MED23: variants seen among roughly 807,000 people sequenced by gnomAD.
MED23 encodes mediator of RNA polymerase II transcription subunit 23.
Under a neutral mutation model 163.9 loss-of-function variants are expected in MED23, and 105 were observed. The ratio of observed to expected loss-of-function variants is 0.64; its 90% CI spans 0.55 to 0.75. The LOEUF (loss-of-function observed/expected upper bound fraction) is 0.75. Among genes scored for constraint, MED23 ranks in the 30% least tolerant of loss-of-function variants. The probability of loss-of-function intolerance (pLI) is 0.00; values close to 1 mark genes in which losing one functional copy is unlikely to be tolerated. For missense variants in MED23, 1,054 were observed against 1,649.0 expected (o/e 0.64, Z 6.25); for synonymous variants, 561 against 565.6 (o/e 0.99, Z 0.12).
chr6:131,615,749 A>G lies in MED23; in HGVS notation c.876+158T>C, dbSNP rs538270642. 117 of 673,720 alleles carry G rather than the reference A, an allele frequency of 1.7e-4. 3 individuals carry two copies. The South Asian group carries it at 1.9e-3, about 11-fold the overall frequency. The allele number at this position is 673,720 out of a possible 1,614,324, so 41.7% of individuals were successfully genotyped here. On this transcript the variant is annotated intron_variant, in intron 10 of 28. Transcript: ENST00000368068. ...TAAACATTCTTAAAGCAATATATAA[A>G]TGATAGGAATAATACATTGTTTAAA...
downstream of MED23, chr6:131,582,585 A>G (rs760349584): frequency 6.5e-7 from 1 of 1,529,236 alleles, no homozygotes; most frequent in Admixed American, 1.7e-5. Context: ...GTTCAAGAGA[A>G]TCATACATAA....
chr6:131,597,492 A>AAG (rs1162767312), intron 20 of MED23, among the ~76,000 whole-genome samples: 15 of 140,704 alleles, frequency 1.1e-4, no homozygotes, highest in African/African-American at 3.9e-4. Context: ...AAAAAAAAAA[A>AAG]AAAAAGAAAA....
At chr6:131,595,524 T>G (rs1774982220) in intron 22 of MED23, among the ~76,000 whole-genome samples, 1 of 152,244 alleles carries the variant, frequency 6.6e-6, no homozygotes, top group Non-Finnish European at 1.5e-5. Context: ...GTCTTTCCAA[T>G]CTTATTTCTA....
At chr6:131,600,436 A>C (rs1422077695) in intron 17 of MED23, among the ~76,000 whole-genome samples, 1 of 152,234 alleles carries the variant, frequency 6.6e-6, no homozygotes, top group Non-Finnish European at 1.5e-5. Flanking sequence ...CGATAACAGT[A>C]ATACAAGCCC....
chr6:131,612,613 A>G (rs966417754), intron 10 of MED23, among the ~76,000 whole-genome samples: 2 of 152,146 alleles, frequency 1.3e-5, no homozygotes, highest in East Asian at 3.8e-4. Context: ...GTTAGTGTAC[A>G]TCATAACTAT....
chr6:131,615,615 G>T, intron 10 of MED23: 1 of 522,762 alleles, frequency 1.9e-6, no homozygotes, highest in Non-Finnish European at 3.4e-6. Context: ...CAAAAATTAT[G>T]GTTGAGTCAT....
chr6:131,601,840 A>C (rs1775507399), intron 17 of MED23, among the ~76,000 whole-genome samples: 2 of 151,898 alleles, frequency 1.3e-5, no homozygotes, highest in African/African-American at 4.8e-5. Context: ...AAAACAAATT[A>C]ATAAATATTT....
downstream of MED23, chr6:131,583,896 C>T: frequency 6.2e-7 from 1 of 1,614,030 alleles, no homozygotes; most frequent in Non-Finnish European, 8.5e-7. Context: ...ACTACCTTAA[C>T]CCACCTAAGT....
At chr6:131,600,903 A>G (rs1050828757) in intron 17 of MED23, among the ~76,000 whole-genome samples, 1 of 152,246 alleles carries the variant, frequency 6.6e-6, no homozygotes, top group East Asian at 1.9e-4. Flanking sequence ...GCCAGTGTCA[A>G]TCTCGACACC....
intron 9 of MED23, among the ~76,000 whole-genome samples, chr6:131,617,413 C>T (rs761354137): frequency 1.3e-5 from 2 of 148,694 alleles, no homozygotes; most frequent in Non-Finnish European, 3.0e-5. Context: ...AAAGACTATG[C>T]TATTGTAACT....
At chr6:131,626,806 C>G (rs1777535435) in intron 3 of MED23, among the ~76,000 whole-genome samples, 2 of 152,216 alleles carry the variant, frequency 1.3e-5, no homozygotes, top group South Asian at 4.1e-4. Flanking sequence ...GCAAACAGTT[C>G]TCATTTCCCT....
rs1387468528 is a variant in MED23, at chr6:131,618,392, T to C, written c.780+15A>G. ...GTCAGATGGACTAAAAGTGCCATTA[T>C]ATTTAGCAACATACCTTATCATATG... is the stretch of plus-strand genomic sequence containing the variant. On this transcript the variant is annotated intron_variant, in intron 9 of 28. Coordinates refer to ENST00000368068, the MANE Select transcript of MED23 (RefSeq NM_004830.4). 6.4e-7 allele frequency: 1 copy of C among 1,563,456 alleles called. No homozygotes were observed. The highest frequency in any genetic ancestry group is 1.4e-5 in the African/African-American group (1 of 73,830).
chr6:131,616,099 T>G, intron 9 of MED23, 97 bp from the exon 10 acceptor site: 4 of 947,190 alleles, frequency 4.2e-6, no homozygotes, highest in Non-Finnish European at 5.0e-6. Context: ...AAGGCACTTG[T>G]TACCTTCACA....
chr6:131,599,089 G>C (rs948776239), intron 18 of MED23, among the ~76,000 whole-genome samples: 1 of 152,186 alleles, frequency 6.6e-6, no homozygotes, highest in African/African-American at 2.4e-5. Flanking sequence ...ACATATGTTA[G>C]TGTCTTTGAG....
In MED23 at chr6:131,612,492, A is replaced by C. The variant is rs376780017; in HGVS notation, c.877-2246T>G. Among the ~76,000 whole-genome samples the C allele has an allele frequency of 3.9e-5, 6 of 152,252 alleles. No homozygotes were observed. In the East Asian group the frequency reaches 9.6e-4, roughly 24 times the overall value. On this transcript the variant is annotated intron_variant, in intron 10 of 28. Transcript: ENST00000368068. ...AAAGTTAACTGTCAATCACTAGGCT[A>C]AGATTATTTCATAAGCCAATGGATG...
At chr6:131,620,022 G>T (rs1776977216) in intron 7 of MED23, 126 bp from the exon 8 acceptor site, 2 of 692,692 alleles carry the variant, frequency 2.9e-6, no homozygotes, top group South Asian at 3.1e-5. Context: ...CATGATAACT[G>T]TTTAAAGGTT....
rs746381302 is a variant in MED23 at position 131,581,275 on chromosome 6, T to C, written c.4095+6434A>G. 1.4e-5 allele frequency: 22 copies of C among 1,613,816 alleles called. No individual in the cohort carries two copies. The highest frequency in any genetic ancestry group is 3.3e-5 in the South Asian group (3 of 91,082). On this transcript the variant is annotated intron_variant, in intron 30 of 30. Transcript: ENST00000354577. Reference sequence around the variant, plus strand: ...AGGGTCCACCCTGATCTTGGAGTCATCTGGGTGGATGCTCACACTGATATC... The same window carrying C: ...AGGGTCCACCCTGATCTTGGAGTCACCTGGGTGGATGCTCACACTGATATC...
At chr6:131,577,597 T>G (rs1037303649) in intron 30 of MED23, among the ~76,000 whole-genome samples, 1 of 151,822 alleles carries the variant, frequency 6.6e-6, no homozygotes, top group Non-Finnish European at 1.5e-5. Context: ...GAGATAGTAT[T>G]CAACAATAAA....
intron 5 of MED23, among the ~76,000 whole-genome samples, chr6:131,622,704 T>C (rs944575268): frequency 6.6e-6 from 1 of 152,244 alleles, no homozygotes; most frequent in Admixed American, 6.5e-5. Context: ...AACTGTGTGA[T>C]AAATCATGAT....
Sources: allele counts gnomAD v4.1 joint callset (sites outside exome capture counted in the v4.1 genomes callset), GRCh38; gene constraint gnomAD v4.1.1; transcripts MANE v1.5; gene names NCBI Gene and HGNC (gene_info 2026-07-23, HGNC 2026-07-21).